Variants in LRRFIP1 observed in about 807,000 individuals in gnomAD.
LRRFIP1 encodes leucine-rich repeat flightless-interacting protein 1.
Under a neutral mutation model 104.4 loss-of-function variants are expected in LRRFIP1, and 62 were observed. The observed-to-expected ratio is 0.59, with a 90% confidence interval of 0.48 to 0.73. The LOEUF is 0.73. Ranked by LOEUF, LRRFIP1 falls within the 30% of genes least tolerant of loss-of-function variation. The pLI is 0.00. For missense variants in LRRFIP1, 796 were observed against 824.5 expected, an observed-to-expected ratio of 0.97 and a Z score of 0.42; for synonymous variants, 300 against 299.0, an observed-to-expected ratio of 1.00 and a Z score of -0.03.
chr2:237,682,813 T>C (rs1289308097), intron 1 of LRRFIP1, among the ~76,000 whole-genome samples: 4 of 152,242 alleles, frequency 2.6e-5, no homozygotes, highest in Non-Finnish European at 5.9e-5. Flanking sequence ...AGATGTTAGA[T>C]GCCGTGTGCA....
At chr2:237,693,038 C>A (rs925419413) in intron 1 of LRRFIP1, among the ~76,000 whole-genome samples, 3 of 152,220 alleles carry the variant, frequency 2.0e-5, no homozygotes, top group African/African-American at 7.2e-5. Context: ...CCCGGGTCCG[C>A]CCAGCGCGGA....
intron 1 of LRRFIP1, among the ~76,000 whole-genome samples, chr2:237,687,663 C>T (rs1326720001): frequency 6.6e-6 from 1 of 150,830 alleles, no homozygotes; most frequent in Admixed American, 6.6e-5. Context: ...AATGTAAGCT[C>T]ATGGTTTGTA....
Position 237,651,952 on chromosome 2 carries a change from T to C in LRRFIP1, c.96+24212T>C, listed in dbSNP as rs2086003007. Among the ~76,000 whole-genome samples, 3 of 152,360 alleles carry C rather than the reference T, an allele frequency of 2.0e-5. No individual in the cohort carries two copies. The South Asian group carries it at 6.2e-4, about 32-fold the overall frequency. On this transcript the variant is annotated intron_variant, in intron 1 of 23. Transcript: ENST00000308482. ...CGCTGCCCGTGGCTGCATTGGGCTG[T>C]GCAGCTCCAGCGTCTCCACCAGATT... is the stretch of plus-strand genomic sequence containing the variant.
intron 1 of LRRFIP1, among the ~76,000 whole-genome samples, chr2:237,706,387 C>A (rs535362828): frequency 6.6e-6 from 1 of 152,278 alleles, no homozygotes; most frequent in Non-Finnish European, 1.5e-5. Flanking sequence ...CCCGGCCCCT[C>A]CTCTCTGTTC....
chr2:237,699,737 G>A (rs748368229), intron 1 of LRRFIP1, among the ~76,000 whole-genome samples: 41 of 152,314 alleles, frequency 2.7e-4, no homozygotes, highest in Non-Finnish European at 4.3e-4. Context: ...ATGGTTGGCC[G>A]ACCTGGCCCT....
At chr2:237,728,047 T>G (rs917057034) in intron 8 of LRRFIP1, 112 bp downstream of exon 8, 9 of 749,116 alleles carry the variant, frequency 1.2e-5, no homozygotes, top group African/African-American at 5.3e-5. Context: ...TTTTTAAATT[T>G]TAAAATCGGT....
At chr2:237,746,112 G>A (rs1213462599) in intron 11 of LRRFIP1, among the ~76,000 whole-genome samples, 1 of 145,256 alleles carries the variant, frequency 6.9e-6, no homozygotes, top group African/African-American at 2.6e-5. Flanking sequence ...AGGCTGGATT[G>A]CAGTGGCATG....
chr2:237,714,340 T>C, intron 3 of LRRFIP1, 64 bp downstream of exon 3: 1 of 1,349,472 alleles, frequency 7.4e-7, no homozygotes, highest in Non-Finnish European at 1.0e-6. Context: ...AAGGGCCTGG[T>C]CACCTTTCAG....
chr2:237,765,603 G>T (rs988110685), intron 19 of LRRFIP1: 1 of 974,670 alleles, frequency 1.0e-6, no homozygotes, highest in Non-Finnish European at 1.2e-6. Context: ...TGGTATTTTG[G>T]TATAAATATT....
chr2:237,749,212 T>C lies in LRRFIP1; in HGVS notation c.683T>C (p.Met228Thr). The change falls in exon 13 of 24, where the codon ATG (methionine) becomes ACG (threonine). Residue 228 changes from methionine (M) to threonine (T), a missense_variant. Coordinates refer to ENST00000308482, the MANE Select transcript of LRRFIP1 (RefSeq NM_001137550.2). ...TCAACGTTCCAGGGGTCTCGTAACA[T>C]GCCGGGCCTGTCTGCAGCCACGCTG... ...KDFTEKGSRNMPGLSAATLAS... is the reference protein window; with the variant it reads ...KDFTEKGSRNTPGLSAATLAS... The C allele has an allele frequency of 1.2e-6, 2 of 1,613,468 alleles. No individual in the cohort carries two copies. The highest frequency in any genetic ancestry group is 1.7e-6 in the Non-Finnish European group (2 of 1,179,956).
At chr2:237,772,250 G>A in intron 21 of LRRFIP1, 52 bp downstream of exon 21, 1 of 1,384,108 alleles carries the variant, frequency 7.2e-7, no homozygotes, top group Non-Finnish European at 1.0e-6. Context: ...TGCTGTTTTA[G>A]TATACTTGTG....
At chr2:237,637,954 C>A (rs2083335145) in intron 1 of LRRFIP1, among the ~76,000 whole-genome samples, 1 of 152,180 alleles carries the variant, frequency 6.6e-6, no homozygotes, top group Non-Finnish European at 1.5e-5. Context: ...GACCAAACAG[C>A]TAGCATGGCT....
intron 21 of LRRFIP1, chr2:237,772,498 A>AG: frequency 4.8e-6 from 1 of 210,196 alleles, no homozygotes; most frequent in Non-Finnish European, 9.2e-6. Context: ...TGATTGTATG[A>AG]AAAAAAAAAA....
intron 1 of LRRFIP1, among the ~76,000 whole-genome samples, chr2:237,631,262 C>T (rs997531529): frequency 6.6e-6 from 1 of 152,168 alleles, no homozygotes; most frequent in Non-Finnish European, 1.5e-5. Flanking sequence ...CTGGCAGGGA[C>T]GTGGGTTCCA....
At position 237,691,023 on chromosome 2, in the gene LRRFIP1, C is replaced by A. The variant is rs949325371; in HGVS notation, c.97-17521C>A. Among the ~76,000 whole-genome samples, 2 of 151,856 alleles carry A rather than the reference C, an allele frequency of 1.3e-5. No individual in the cohort carries two copies. Among genetic ancestry groups the A allele is most frequent in the Non-Finnish European group, 1.5e-5 (1 of 68,030 alleles). ...AGCACCCATTTTCCCTGCTGCACACCCTCCTGACAACTCCTGCCCTGAAGC... is the reference window on the plus strand; with the variant it reads ...AGCACCCATTTTCCCTGCTGCACACACTCCTGACAACTCCTGCCCTGAAGC... On this transcript the variant is annotated intron_variant, in intron 1 of 23. Transcript: ENST00000308482. This position sits in a 1 kb window ranked among gnomAD's most constrained non-coding sequence, Gnocchi z 5.4.
intron 1 of LRRFIP1, among the ~76,000 whole-genome samples, chr2:237,634,810 A>G (rs564515323): frequency 2.6e-5 from 4 of 152,270 alleles, no homozygotes; most frequent in South Asian, 2.1e-4. Flanking sequence ...ATCTATCTAT[A>G]TATCTACATA....
At chr2:237,765,859 A>G in intron 19 of LRRFIP1, 1 of 979,420 alleles carries the variant, frequency 1.0e-6, no homozygotes, top group Non-Finnish European at 1.2e-6. Flanking sequence ...CCTCAATAAA[A>G]TTTGAGGAAA....
chr2:237,726,875 A>C (rs2094773090), intron 7 of LRRFIP1, among the ~76,000 whole-genome samples: 1 of 152,190 alleles, frequency 6.6e-6, no homozygotes, highest in Non-Finnish European at 1.5e-5. Flanking sequence ...GGAACTGAGA[A>C]GAGAGGGATG....
intron 12 of LRRFIP1, 148 bp from the exon 13 acceptor site, chr2:237,749,051 A>G (rs2058248742): frequency 5.5e-6 from 4 of 721,138 alleles, no homozygotes; most frequent in South Asian, 2.0e-5. Context: ...CGAGAACAGC[A>G]TGGGGGAAAC....
Sources: allele counts gnomAD v4.1 joint callset (sites outside exome capture counted in the v4.1 genomes callset), GRCh38; gene constraint gnomAD v4.1.1; non-coding constraint Gnocchi (gnomAD v3.1); transcripts MANE v1.5; gene names NCBI Gene and HGNC (gene_info 2026-07-23, HGNC 2026-07-21).